Variants in HAUS1 observed in about 807,000 individuals in gnomAD.
HAUS1 encodes HAUS augmin like complex subunit 1, also known as HAUS augmin-like complex subunit 1.
In HAUS1, 25 loss-of-function variants were observed where a neutral mutation model predicts 38.6. The ratio of observed to expected loss-of-function variants is 0.65; its 90% CI spans 0.47 to 0.91. The LOEUF (loss-of-function observed/expected upper bound fraction) is 0.91. Ranked by LOEUF, HAUS1 falls within the 40% of genes least tolerant of loss-of-function variation. HAUS1 has a pLI of 0.00. For missense variants in HAUS1, 325 were observed against 328.4 expected (o/e 0.99, Z 0.08); for synonymous variants, 109 against 112.9 (o/e 0.97, Z 0.22).
intron 3 of HAUS1, 160 bp downstream of exon 3, chr18:46,118,476 T>A: frequency 3.2e-6 from 2 of 630,182 alleles, no homozygotes; most frequent in South Asian, 2.1e-5. Flanking sequence ...TTAATTTGGA[T>A]AAATATGGTA....
At chr18:46,110,152 C>CTTTTTTTTTTTTTTTTTTTT (rs869105132) in intron 2 of HAUS1, among the ~76,000 whole-genome samples, 1 of 115,370 alleles carries the variant, frequency 8.7e-6, no homozygotes, top group African/African-American at 3.5e-5. Flanking sequence ...TTATTTTGTC[C>CTTTTTTTTTTTTTTTTTTTT]TTTTTTTTTT....
chr18:46,128,132 C>T lies in HAUS1; in HGVS notation c.*7C>T, dbSNP rs766727561. The T allele has an allele frequency of 5.7e-6, 9 of 1,567,138 alleles. No individual in the cohort carries two copies. Among genetic ancestry groups the T allele is most frequent in the Non-Finnish European group, 7.8e-6 (9 of 1,153,430 alleles). On this transcript the variant is annotated 3_prime_UTR_variant, in exon 9 of 9. Transcript: ENST00000282058. Reference sequence around the variant, plus strand: ...AGACATGATGGAACTGTGACAAAAGCCAAATAAACATCCTTTTCCCTAACA... The same window carrying T: ...AGACATGATGGAACTGTGACAAAAGTCAAATAAACATCCTTTTCCCTAACA...
chr18:46,110,134 A>G (rs955439248), intron 2 of HAUS1, among the ~76,000 whole-genome samples: 8 of 147,440 alleles, frequency 5.4e-5, no homozygotes, highest in Non-Finnish European at 1.0e-4. Context: ...TTTTCTATCT[A>G]GCAGACTTTA....
chr18:46,105,474 T>TGC, intron 2 of HAUS1, 106 bp downstream of exon 2: 4 of 955,290 alleles, frequency 4.2e-6, no homozygotes, highest in Non-Finnish European at 6.2e-6. Flanking sequence ...GTTTTGCTCC[T>TGC]TTATTTTTCC....
At position 46,122,589 on chromosome 18, in the gene HAUS1, A is replaced by G; in HGVS notation, c.599A>G (p.Glu200Gly). 1.2e-6 allele frequency: 2 copies of G among 1,614,134 alleles called. No individual in the cohort carries two copies. The highest frequency in any genetic ancestry group is 1.7e-6 in the Non-Finnish European group (2 of 1,179,998). ...EEFRFGIKAAEEQLSARGMDA... is the reference protein window; with the variant it reads ...EEFRFGIKAAGEQLSARGMDA... ...TTCAGATTTGGAATCAAGGCTGCAG[A>G]GGTTTGTATGAAGGACCGAATATAG... The change falls in exon 5 of 9, where the codon GAG becomes GGG. Residue 200 changes from glutamate to glycine, a missense_variant and splice_region_variant. Glu to Gly is a moderately conservative substitution (Grantham distance 98, BLOSUM62 -2). Transcript: ENST00000282058.
chr18:46,111,129 A>G (rs1021834402), intron 2 of HAUS1, among the ~76,000 whole-genome samples: 8 of 152,068 alleles, frequency 5.3e-5, no homozygotes, highest in African/African-American at 1.4e-4. Context: ...CGGCCTCTCA[A>G]AATGCTGGGA....
At chr18:46,113,424 C>T (rs150369638) in intron 2 of HAUS1, among the ~76,000 whole-genome samples, 6 of 152,124 alleles carry the variant, frequency 3.9e-5, no homozygotes, top group East Asian at 1.9e-4. Context: ...TTTCTTCTGC[C>T]GCTGCAAATC....
At chr18:46,120,208 G>A in intron 4 of HAUS1, 148 bp downstream of exon 4, 1 of 569,538 alleles carries the variant, frequency 1.8e-6, no homozygotes, top group South Asian at 2.5e-5. Flanking sequence ...GATTAGTGGA[G>A]CTGGAGATGG....
chr18:46,124,918 A>G (rs1444953994), intron 7 of HAUS1, 25 bp downstream of exon 7: 7 of 1,313,644 alleles, frequency 5.3e-6, no homozygotes, highest in Non-Finnish European at 7.7e-6. Context: ...GAATTAAAAA[A>G]CAATTATTTC....
At chr18:46,108,381 C>T (rs115964988) in intron 2 of HAUS1, among the ~76,000 whole-genome samples, 3 of 151,496 alleles carry the variant, frequency 2.0e-5, no homozygotes, top group African/African-American at 7.3e-5. Context: ...AACTTCTGAC[C>T]CTGCCTCACC....
intron 3 of HAUS1, among the ~76,000 whole-genome samples, chr18:46,119,024 T>A (rs1039467333): frequency 4.1e-5 from 6 of 146,716 alleles, no homozygotes; most frequent in African/African-American, 1.6e-4. Context: ...CCTGCCACCA[T>A]GCCTGGCTAA....
chr18:46,111,061 AG>A (rs1336721122), intron 2 of HAUS1, among the ~76,000 whole-genome samples: 1 of 151,770 alleles, frequency 6.6e-6, no homozygotes, highest in Non-Finnish European at 1.5e-5. Flanking sequence ...TATTTTTAGT[AG>A]AAACAGGGTT....
In HAUS1 at chr18:46,110,333, GTTTTTTTTTT is replaced by G. The variant is rs71160713; in HGVS notation, c.205+4985_205+4994del. 1.4e-4 allele frequency among the ~76,000 whole-genome samples: 7 copies of G among 49,996 alleles called. No individual in the cohort carries two copies. The South Asian group carries it at 3.5e-3, about 25-fold the overall frequency. The allele number at this position is 49,996 out of a possible 152,430, so 32.8% of individuals were successfully genotyped here. A position where few individuals can be genotyped will look rare whatever the true frequency, so the allele number is the denominator to read the frequency against. Reference sequence around the variant, plus strand: ...ACCATGCCCAGCTTATTTTTTTAAGGTTTTTTTTTTTTTTTTTTTTTTTTTTTTTAGATGG... The same window carrying G: ...ACCATGCCCAGCTTATTTTTTTAAGGTTTTTTTTTTTTTTTTTTTAGATGG... On this transcript the variant is annotated intron_variant, in intron 2 of 8. Transcript: ENST00000282058.
At chr18:46,105,780 A>C (rs1417095730) in intron 2 of HAUS1, among the ~76,000 whole-genome samples, 1 of 151,970 alleles carries the variant, frequency 6.6e-6, no homozygotes, top group Non-Finnish European at 1.5e-5. Flanking sequence ...AGGGTTTCAC[A>C]ATATTGGCCA....
intron 2 of HAUS1, among the ~76,000 whole-genome samples, chr18:46,106,424 G>T (rs1303712599): frequency 6.7e-6 from 1 of 150,136 alleles, no homozygotes; most frequent in Non-Finnish European, 1.5e-5. Context: ...AGCCGAGATC[G>T]CACCACTGCA....
chr18:46,118,427 C>G (rs1911852686), intron 3 of HAUS1, 111 bp downstream of exon 3: 2 of 976,304 alleles, frequency 2.0e-6, no homozygotes, highest in Non-Finnish European at 3.1e-6. Flanking sequence ...ATACAAAGCA[C>G]TGAATTTAGT....
chr18:46,124,480 G>A (rs1283009799), intron 6 of HAUS1, among the ~76,000 whole-genome samples: 1 of 151,244 alleles, frequency 6.6e-6, no homozygotes, highest in African/African-American at 2.4e-5. Context: ...CAGCTACCTG[G>A]AAGGCTGAAG....
chr18:46,111,926 C>A (rs577966441), intron 2 of HAUS1, among the ~76,000 whole-genome samples: 7 of 147,946 alleles, frequency 4.7e-5, no homozygotes, highest in Non-Finnish European at 8.9e-5. Context: ...TGCCCTGTTG[C>A]CCAGGCTGGA....
At chr18:46,113,090 A>ATATT (rs1399309572) in intron 2 of HAUS1, among the ~76,000 whole-genome samples, 16 of 81,072 alleles carry the variant, frequency 2.0e-4, no homozygotes, top group Admixed American at 1.0e-3. Flanking sequence ...ATATATATAT[A>ATATT]TTTTTTGAGA....
Sources: gnomAD v4.1 joint callset for allele counts (sites outside exome capture counted in the v4.1 genomes callset) on GRCh38, gnomAD v4.1.1 for gene constraint, MANE v1.5 for transcripts, NCBI Gene and HGNC (gene_info 2026-07-23, HGNC 2026-07-21) for gene names.